The following ERBB4 variants were observed in gnomAD, a reference collection of about 807,000 sequenced individuals.
ERBB4 encodes erb-b2 receptor tyrosine kinase 4.
In ERBB4, 42 loss-of-function variants were observed where a neutral mutation model predicts 158.0. The observed-to-expected ratio is 0.27, with a 90% confidence interval of 0.21 to 0.34. The LOEUF (loss-of-function observed/expected upper bound fraction) is 0.34, where lower values mean the gene tolerates loss of function less well. Ranked by LOEUF, ERBB4 falls within the 10% of genes least tolerant of loss-of-function variation. ERBB4 has a pLI of 1.00. For missense variants in ERBB4, 1,333 were observed against 1,624.1 expected, an observed-to-expected ratio of 0.82 and a Z score of 3.08; for synonymous variants, 583 against 558.7, an observed-to-expected ratio of 1.04 and a Z score of -0.61.
At chr2:211,627,686 A>C (rs1418894968) in intron 17 of ERBB4, among the ~76,000 whole-genome samples, 2 of 152,196 alleles carry the variant, frequency 1.3e-5, no homozygotes, top group African/African-American at 4.8e-5. Context: ...TGAGAAAAAC[A>C]ACAAACGTTG....
At chr2:212,308,907 T>A (rs905389025) in intron 1 of ERBB4, among the ~76,000 whole-genome samples, 1 of 151,016 alleles carries the variant, frequency 6.6e-6, no homozygotes, top group African/African-American at 2.4e-5. Context: ...AATATTTCCA[T>A]AGGATTTGGG....
chr2:212,508,803 A>G (rs1691341476), intron 1 of ERBB4, among the ~76,000 whole-genome samples: 1 of 152,022 alleles, frequency 6.6e-6, no homozygotes, highest in Non-Finnish European at 1.5e-5. Flanking sequence ...TCCTCCTAGC[A>G]TTTCTCTTAA....
chr2:211,726,741 TA>T (rs1206403847), intron 5 of ERBB4, among the ~76,000 whole-genome samples: 2 of 152,112 alleles, frequency 1.3e-5, no homozygotes, highest in African/African-American at 2.4e-5. Flanking sequence ...CACAATGCCC[TA>T]AAAGTAATGG....
At chr2:212,342,333 G>A (rs1258867898) in intron 1 of ERBB4, among the ~76,000 whole-genome samples, 1 of 152,052 alleles carries the variant, frequency 6.6e-6, no homozygotes, top group Non-Finnish European at 1.5e-5. Context: ...TCATGGGGGT[G>A]GGTTTTTCCC....
At chr2:211,410,808 T>G (rs1159428965) in intron 25 of ERBB4, among the ~76,000 whole-genome samples, 1 of 152,222 alleles carries the variant, frequency 6.6e-6, no homozygotes, top group African/African-American at 2.4e-5. Flanking sequence ...TTAAGTTTAA[T>G]AAGATATTAT....
intron 19 of ERBB4, among the ~76,000 whole-genome samples, chr2:211,610,549 A>T (rs1223745172): frequency 6.6e-6 from 1 of 152,176 alleles, no homozygotes; most frequent in Non-Finnish European, 1.5e-5. Flanking sequence ...CCTCCTAGTG[A>T]TACAGTCAAA....
intron 20 of ERBB4, among the ~76,000 whole-genome samples, chr2:211,467,646 G>A (rs1396528193): frequency 1.3e-5 from 2 of 152,144 alleles, no homozygotes; most frequent in Admixed American, 1.3e-4. Flanking sequence ...GGAGGCCATA[G>A]AAGTGGAAGA....
chr2:212,428,727 A>G (rs908799448), intron 1 of ERBB4, among the ~76,000 whole-genome samples: 2 of 152,206 alleles, frequency 1.3e-5, no homozygotes, highest in African/African-American at 4.8e-5. Flanking sequence ...CCTTAAGTCC[A>G]GTGAGAAGTT....
At chr2:212,331,449 A>G (rs1458873987) in intron 1 of ERBB4, among the ~76,000 whole-genome samples, 1 of 151,898 alleles carries the variant, frequency 6.6e-6, no homozygotes, top group Non-Finnish European at 1.5e-5. Flanking sequence ...AGTAATAAAA[A>G]TTTTTAAATA....
chr2:211,443,868 A>G (rs578227473), intron 20 of ERBB4, among the ~76,000 whole-genome samples: 1 of 152,196 alleles, frequency 6.6e-6, no homozygotes, highest in Non-Finnish European at 1.5e-5. Flanking sequence ...GTTAAGAGTA[A>G]AACTCAATGT....
intron 1 of ERBB4, among the ~76,000 whole-genome samples, chr2:212,287,599 T>C (rs1254836307): frequency 1.3e-5 from 2 of 152,006 alleles, no homozygotes; most frequent in Non-Finnish European, 2.9e-5. Context: ...TCCCTATCAA[T>C]AGTGATAGGA....
chr2:212,360,246 T>C (rs1261204929), intron 1 of ERBB4, among the ~76,000 whole-genome samples: 1 of 151,676 alleles, frequency 6.6e-6, no homozygotes, highest in Non-Finnish European at 1.5e-5. Flanking sequence ...AAAGCCTTCC[T>C]AGCATGAGTC....
intron 19 of ERBB4, among the ~76,000 whole-genome samples, chr2:211,568,734 A>C (rs548794486): frequency 6.6e-6 from 1 of 152,282 alleles, no homozygotes; most frequent in African/African-American, 2.4e-5. Flanking sequence ...AAAACTACAC[A>C]TCATGCAACC....
intron 4 of ERBB4, among the ~76,000 whole-genome samples, chr2:211,767,539 G>A (rs1559499879): frequency 6.6e-6 from 1 of 152,184 alleles, no homozygotes; most frequent in Non-Finnish European, 1.5e-5. Context: ...AAAGAAAAGA[G>A]ATTTAATTGA....
chr2:212,364,008 G>A (rs1304726779), intron 1 of ERBB4, among the ~76,000 whole-genome samples: 1 of 151,648 alleles, frequency 6.6e-6, no homozygotes, highest in Non-Finnish European at 1.5e-5. Context: ...GTACACTGTG[G>A]AATGACACAA....
chr2:211,953,462 C>T (rs2125154048), intron 2 of ERBB4, among the ~76,000 whole-genome samples: 2 of 114,748 alleles, frequency 1.7e-5, no homozygotes, highest in African/African-American at 3.8e-5. Flanking sequence ...AAAGGTTTTT[C>T]TCCAAAAAAA....
At chr2:212,046,241 C>G (rs186194226) in intron 2 of ERBB4, among the ~76,000 whole-genome samples, 88 of 152,262 alleles carry the variant, frequency 5.8e-4, no homozygotes, top group African/African-American at 2.1e-3. Flanking sequence ...AGAATCACAG[C>G]AGTTTGGTGC....
rs141592738 is a variant in ERBB4 at position 212,200,214 on chromosome 2, C to T, written c.83-75311G>A. Among the ~76,000 whole-genome samples the T allele has an allele frequency of 7.7e-3, 1,169 of 151,882 alleles. 7 individuals are homozygous for T. Among genetic ancestry groups the T allele is most frequent in the Middle Eastern group, 0.027 (8 of 292 alleles). On this transcript the variant is annotated intron_variant, in intron 1 of 27. Coordinates refer to ENST00000342788, the MANE Select transcript of ERBB4 (RefSeq NM_005235.3). ...ATATCATTCTACTTTGAGGAATGAC[C>T]CTACCTATATAATATTCAGAGGCAA...
At chr2:212,297,618 AT>A (rs2086460617) in intron 1 of ERBB4, among the ~76,000 whole-genome samples, 5 of 151,078 alleles carry the variant, frequency 3.3e-5, no homozygotes, top group Admixed American at 6.6e-5. Context: ...CAAACAAAAC[AT>A]TATTTGATCA....
Sources: allele counts gnomAD v4.1 joint callset (sites outside exome capture counted in the v4.1 genomes callset), GRCh38; gene constraint gnomAD v4.1.1; transcripts MANE v1.5; gene names NCBI Gene and HGNC (gene_info 2026-07-23, HGNC 2026-07-21).